The following MTMR1 variants were observed in gnomAD, a reference collection of about 807,000 sequenced individuals.
MTMR1 encodes myotubularin related protein 1.
In MTMR1, 17 loss-of-function variants were observed where a neutral mutation model predicts 51.6. That is an observed-to-expected ratio of 0.33 (90% CI 0.23 to 0.49). The LOEUF (loss-of-function observed/expected upper bound fraction) is 0.49. Among genes scored for constraint, MTMR1 ranks in the 20% least tolerant of loss-of-function variants. The pLI is 0.99. For synonymous variants in MTMR1, 201 were observed against 205.6 expected, an observed-to-expected ratio of 0.98 and a Z score of 0.19; for missense variants, 386 against 526.9, an observed-to-expected ratio of 0.73 and a Z score of 2.62.
At chrX:150,697,606 G>A (rs1460337746) in intron 1 of MTMR1, among the ~76,000 whole-genome samples, 7 of 111,560 alleles carry the variant, frequency 6.3e-5, no homozygotes, top group African/African-American at 2.3e-4. Context: ...TACTGCGCTA[G>A]TTGGCTTATG....
chrX:150,761,819 G>A (rs782488374), intron 15 of MTMR1, among the ~76,000 whole-genome samples: 4 of 112,799 alleles, frequency 3.5e-5, no homozygotes, highest in African/African-American at 6.4e-5. Context: ...CTTGTTAGGC[G>A]AGTGGGTTGG....
At chrX:150,741,899 C>T (rs1483875911) in intron 12 of MTMR1, among the ~76,000 whole-genome samples, 1 of 112,462 alleles carries the variant, frequency 8.9e-6, no homozygotes, top group Non-Finnish European at 1.9e-5. Flanking sequence ...ATGGCGGATA[C>T]TCAGAAAATT....
chrX:150,730,238 G>C (rs1557416930), intron 7 of MTMR1, 28 bp downstream of exon 7: 1 of 1,035,166 alleles, frequency 9.7e-7, no homozygotes, highest in Non-Finnish European at 1.3e-6. Flanking sequence ...AACCTTTTCT[G>C]CATGCATTTG....
chrX:150,721,784 C>T (rs190342946), intron 4 of MTMR1, among the ~76,000 whole-genome samples: 1 of 111,115 alleles, frequency 9.0e-6, no homozygotes, highest in East Asian at 2.8e-4. Flanking sequence ...TTTATTATTT[C>T]CTTTCTTCTG....
chrX:150,706,518 G>T (rs1336042099), intron 2 of MTMR1, among the ~76,000 whole-genome samples: 1 of 111,534 alleles, frequency 9.0e-6, no homozygotes, highest in Non-Finnish European at 1.9e-5. Flanking sequence ...TGAAATTTTG[G>T]GGATGTATTC....
At chrX:150,754,384 G>A (rs2042841968) in intron 14 of MTMR1, among the ~76,000 whole-genome samples, 1 of 112,808 alleles carries the variant, frequency 8.9e-6, no homozygotes, top group Non-Finnish European at 1.9e-5. Context: ...GAATGTTCCT[G>A]TATTTAGATA....
chrX:150,713,916 T>TAC (rs55969414), intron 3 of MTMR1, among the ~76,000 whole-genome samples: 6,023 of 104,150 alleles, frequency 0.058, 156 homozygotes, highest in Non-Finnish European at 0.067. Flanking sequence ...TATGTGTGTA[T>TAC]ACACACACAC....
chrX:150,730,885 A>G (rs2042097524), intron 8 of MTMR1, among the ~76,000 whole-genome samples: 1 of 111,915 alleles, frequency 8.9e-6, no homozygotes, highest in Non-Finnish European at 1.9e-5. Flanking sequence ...GGTTTTTATT[A>G]GATGTTCTGG....
intron 6 of MTMR1, 57 bp downstream of exon 6, chrX:150,727,848 C>T: frequency 1.2e-6 from 1 of 835,413 alleles, no homozygotes. Context: ...TGAACTTTTT[C>T]TCCCTCAGTC....
chrX:150,734,551 A>G (rs2042209805), intron 10 of MTMR1, among the ~76,000 whole-genome samples: 2 of 112,530 alleles, frequency 1.8e-5, no homozygotes, highest in African/African-American at 6.5e-5. Flanking sequence ...ACAAAATGTG[A>G]GAAAAGCCAT....
chrX:150,719,331 C>T (rs189840611), intron 4 of MTMR1, among the ~76,000 whole-genome samples: 23 of 111,770 alleles, frequency 2.1e-4, no homozygotes, highest in South Asian at 3.8e-4. Flanking sequence ...TCCATCATGG[C>T]TTTCTCCCAA....
Position 150,760,175 on chromosome X carries a change from G to GC in MTMR1, c.1858-2389dup, listed in dbSNP as rs1465572556. 5.5e-5 allele frequency among the ~76,000 whole-genome samples: 6 copies of GC among 108,807 alleles called. 1 individual carries two copies. Among genetic ancestry groups the GC allele is most frequent in the Non-Finnish European group, 9.8e-5 (5 of 51,253 alleles). The allele number at this position is 108,807 out of a possible 115,157, so 94.5% of individuals were successfully genotyped here. Reference sequence around the variant, plus strand: ...CAGCTTGTTATCCTGTATGCAACAGGCATGTGTCGGACACCTCCTAGGTGT... The same window carrying GC: ...CAGCTTGTTATCCTGTATGCAACAGGCCATGTGTCGGACACCTCCTAGGTGT... On this transcript the variant is annotated intron_variant, in intron 15 of 15. Transcript: ENST00000445323.
intron 3 of MTMR1, chrX:150,714,511 T>C (rs2041428275): frequency 1.0e-6 from 1 of 980,487 alleles, no homozygotes; most frequent in Admixed American, 3.0e-5. Flanking sequence ...GCTACCCTTC[T>C]GAAGCTGAAG....
In MTMR1 at chrX:150,727,271, G is replaced by T. The variant is rs782632211; in HGVS notation, c.409G>T (p.Val137Leu). The part of the protein sequence containing the change: ...FMGAVSGTLT[V>L]TDFKLYFKNV... ...GGGAGCAGTGAGTGGAACCCTGACA[G>T]TGACGGACTTTAAGCTGTACTTCAA... Residue 137 changes from valine (V) to leucine (L), a missense_variant, in exon 5 of 16, where the codon GTG becomes TTG. Physicochemically the swap from Val to Leu is conservative, Grantham distance 32 (BLOSUM62 1). Transcript: ENST00000445323. 1.7e-5 allele frequency: 21 copies of T among 1,210,023 alleles called. No homozygotes were observed. In the Middle Eastern group the frequency reaches 3.9e-3, roughly 225 times the overall value.
At chrX:150,745,316 C>T (rs945280858) in intron 13 of MTMR1, among the ~76,000 whole-genome samples, 6 of 111,512 alleles carry the variant, frequency 5.4e-5, no homozygotes, top group African/African-American at 2.0e-4. Flanking sequence ...AGGGTCTGAG[C>T]CTTCTCTTGC....
chrX:150,698,149 G>C (rs2040746479), intron 1 of MTMR1, among the ~76,000 whole-genome samples: 1 of 111,072 alleles, frequency 9.0e-6, no homozygotes, highest in Non-Finnish European at 1.9e-5. Flanking sequence ...AAATTAGCCA[G>C]GCATGGTGGC....
intron 3 of MTMR1, among the ~76,000 whole-genome samples, chrX:150,713,999 G>A (rs1475469770): frequency 1.8e-5 from 2 of 111,553 alleles, no homozygotes; most frequent in Non-Finnish European, 3.8e-5. Context: ...CAGTGGAATT[G>A]ATCCCTGAGC....
chrX:150,705,721 C>G (rs1295526873), intron 2 of MTMR1, among the ~76,000 whole-genome samples: 1 of 111,511 alleles, frequency 9.0e-6, no homozygotes, highest in Non-Finnish European at 1.9e-5. Flanking sequence ...GTTCTCTGAA[C>G]AGAAAGGAAG....
At chrX:150,742,753 C>T (rs2042461563) in intron 12 of MTMR1, among the ~76,000 whole-genome samples, 1 of 99,166 alleles carries the variant, frequency 1.0e-5, no homozygotes, top group Non-Finnish European at 2.0e-5. Context: ...GGAGGCAGAG[C>T]TTGCAGTGAG....
Sources: allele counts gnomAD v4.1 joint callset (sites outside exome capture counted in the v4.1 genomes callset), GRCh38; gene constraint gnomAD v4.1.1; transcripts MANE v1.5; gene names NCBI Gene and HGNC (gene_info 2026-07-23, HGNC 2026-07-21).